Variants in PDE10A observed in about 807,000 individuals in gnomAD.
PDE10A encodes the protein phosphodiesterase 10A, also known as cAMP and cAMP-inhibited cGMP 3',5'-cyclic phosphodiesterase 10A.
Under a neutral mutation model 97.7 loss-of-function variants are expected in PDE10A, and 39 were observed. That is an observed-to-expected ratio of 0.40 (90% CI 0.31 to 0.52). PDE10A has a LOEUF of 0.52. Among genes scored for constraint, PDE10A ranks in the 20% least tolerant of loss-of-function variants. The pLI is 0.56. For synonymous variants in PDE10A, 371 were observed against 376.8 expected (o/e 0.98, Z 0.18); for missense variants, 731 against 1,047.8 (o/e 0.70, Z 4.17).
chr6:165,690,140 C>T (rs1252531445), intron 1 of PDE10A, among the ~76,000 whole-genome samples: 2 of 152,192 alleles, frequency 1.3e-5, no homozygotes, highest in Non-Finnish European at 1.5e-5. Context: ...AGGGCTGTCT[C>T]ATGCCATAGC....
chr6:165,785,614 A>G (rs1292638302), intron 1 of PDE10A, among the ~76,000 whole-genome samples: 1 of 152,250 alleles, frequency 6.6e-6, no homozygotes, highest in African/African-American at 2.4e-5. Flanking sequence ...TCCCATGAAA[A>G]AATAATAGCC....
chr6:165,974,260 A>T (rs999474410), intron 1 of PDE10A, among the ~76,000 whole-genome samples: 1 of 152,234 alleles, frequency 6.6e-6, no homozygotes, highest in Non-Finnish European at 1.5e-5. Flanking sequence ...CTACACAAAT[A>T]GTGACTCCAA....
intron 1 of PDE10A, among the ~76,000 whole-genome samples, chr6:165,691,195 CTCTCT>C (rs1791282903): frequency 1.7e-5 from 1 of 58,332 alleles, no homozygotes; most frequent in Non-Finnish European, 3.4e-5. Flanking sequence ...CTCCCTCTCT[CTCTCT>C]CCCCACACAC....
At chr6:165,911,434 C>A (rs571984568) in intron 1 of PDE10A, among the ~76,000 whole-genome samples, 67 of 152,290 alleles carry the variant, frequency 4.4e-4, no homozygotes, top group African/African-American at 1.2e-3. Flanking sequence ...TTCCCCCGAA[C>A]AAACTATGTA....
intron 1 of PDE10A, among the ~76,000 whole-genome samples, chr6:165,879,754 T>C (rs942507136): frequency 3.3e-5 from 5 of 152,260 alleles, no homozygotes; most frequent in African/African-American, 9.6e-5. Context: ...GCAGTTGTTA[T>C]ATTTACCGTT....
intron 2 of PDE10A, among the ~76,000 whole-genome samples, chr6:165,496,195 C>A (rs772567396): frequency 6.6e-6 from 1 of 152,160 alleles, no homozygotes; most frequent in South Asian, 2.1e-4. Context: ...CTCCTGCCAC[C>A]GAAGATGACC....
chr6:165,894,034 C>T (rs959638866), intron 1 of PDE10A, among the ~76,000 whole-genome samples: 3 of 152,102 alleles, frequency 2.0e-5, no homozygotes, highest in South Asian at 2.1e-4. Flanking sequence ...TGTCTCCCCT[C>T]GTTGCTCCTC....
intron 13 of PDE10A, among the ~76,000 whole-genome samples, chr6:165,400,774 G>T (rs960419167): frequency 6.6e-6 from 1 of 152,126 alleles, no homozygotes; most frequent in Non-Finnish European, 1.5e-5. Flanking sequence ...CTGTTTGTTT[G>T]TAGCTTTAGT....
chr6:165,451,992 G>C (rs959042276), intron 3 of PDE10A, among the ~76,000 whole-genome samples: 1 of 152,190 alleles, frequency 6.6e-6, no homozygotes, highest in Admixed American at 6.5e-5. Context: ...ATATTCAAAG[G>C]CTTAGCAAGA....
chr6:165,563,011 G>A (rs1362116323), intron 1 of PDE10A, among the ~76,000 whole-genome samples: 3 of 152,072 alleles, frequency 2.0e-5, no homozygotes. Flanking sequence ...CTCACGTTGA[G>A]AAATCCTGTT....
At chr6:165,874,301 T>C (rs541578347) in intron 1 of PDE10A, among the ~76,000 whole-genome samples, 1 of 152,300 alleles carries the variant, frequency 6.6e-6, no homozygotes, top group Non-Finnish European at 1.5e-5. Flanking sequence ...TACCTGCTTC[T>C]GGGAGAAAAA....
At chr6:165,596,404 G>A (rs1012861652) in intron 1 of PDE10A, among the ~76,000 whole-genome samples, 1 of 152,140 alleles carries the variant, frequency 6.6e-6, no homozygotes, top group African/African-American at 2.4e-5. Context: ...AGTGATCTTA[G>A]GAAGTCAGAT....
At chr6:165,824,669 C>T (rs1398527311) in intron 1 of PDE10A, among the ~76,000 whole-genome samples, 1 of 152,176 alleles carries the variant, frequency 6.6e-6, no homozygotes, top group Non-Finnish European at 1.5e-5. Flanking sequence ...GCAGCATCAC[C>T]AAGGTAGTTG....
intron 10 of PDE10A, among the ~76,000 whole-genome samples, chr6:165,428,056 C>T (rs1371366204): frequency 6.6e-6 from 1 of 151,960 alleles, no homozygotes; most frequent in Non-Finnish European, 1.5e-5. Context: ...TGAGAAAACT[C>T]TTTATTGCAG....
chr6:165,615,441 GTC>G (rs1331498467), intron 1 of PDE10A, among the ~76,000 whole-genome samples: 3 of 151,950 alleles, frequency 2.0e-5, no homozygotes, highest in African/African-American at 7.3e-5. Flanking sequence ...ATGAAAATAA[GTC>G]TGCATTTTTC....
At chr6:165,481,735 A>G (rs1354724476) in intron 3 of PDE10A, among the ~76,000 whole-genome samples, 8 of 78,958 alleles carry the variant, frequency 1.0e-4, no homozygotes, top group Admixed American at 9.4e-4. Flanking sequence ...TAAGCTTGCT[A>G]AGACTCTTAA....
intron 1 of PDE10A, among the ~76,000 whole-genome samples, chr6:165,829,940 G>A (rs1779863559): frequency 6.6e-6 from 1 of 151,906 alleles, no homozygotes; most frequent in Admixed American, 6.6e-5. Context: ...CCTACACTCA[G>A]GGAAGAAATG....
intron 1 of PDE10A, among the ~76,000 whole-genome samples, chr6:165,574,840 CCCT>C (rs745840308): frequency 2.6e-4 from 40 of 152,084 alleles, no homozygotes; most frequent in Non-Finnish European, 4.9e-4. Context: ...GTTTATTATT[CCCT>C]CAAGCTTACC....
intron 1 of PDE10A, among the ~76,000 whole-genome samples, chr6:165,651,926 G>T (rs903176495): frequency 6.6e-6 from 1 of 152,080 alleles, no homozygotes; most frequent in Non-Finnish European, 1.5e-5. Flanking sequence ...TAAATGAAAT[G>T]ACACTTATAT....
Sources: allele counts gnomAD v4.1 joint callset (sites outside exome capture counted in the v4.1 genomes callset), GRCh38; gene constraint gnomAD v4.1.1; transcripts MANE v1.5; gene names NCBI Gene and HGNC (gene_info 2026-07-23, HGNC 2026-07-21).